Variants in ARMH4 observed in about 807,000 individuals in gnomAD.
The protein encoded by ARMH4 is armadillo like helical domain containing 4.
Under a neutral mutation model 61.9 loss-of-function variants are expected in ARMH4, and 49 were observed. The ratio of observed to expected loss-of-function variants is 0.79; its 90% CI spans 0.63 to 1.00. ARMH4 has a LOEUF of 1.00. Among genes scored for constraint, ARMH4 ranks in the 50% least tolerant of loss-of-function variants. The pLI is 0.00. For missense variants in ARMH4, 934 were observed against 930.0 expected (o/e 1.00, Z -0.06); for synonymous variants, 368 against 341.5 (o/e 1.08, Z -0.85).
chr14:58,099,724 G>C (rs1566579488), intron 4 of ARMH4, among the ~76,000 whole-genome samples: 1 of 152,218 alleles, frequency 6.6e-6, no homozygotes, highest in African/African-American at 2.4e-5. Flanking sequence ...TAAGTTAATG[G>C]GTCAGATCTC....
intron 5 of ARMH4, among the ~76,000 whole-genome samples, chr14:58,053,911 A>G (rs1284051157): frequency 6.6e-6 from 1 of 152,204 alleles, no homozygotes; most frequent in Non-Finnish European, 1.5e-5. Flanking sequence ...TATACCATAC[A>G]GTGCTTATAA....
chr14:58,128,665 C>T (rs1400626076), intron 4 of ARMH4, among the ~76,000 whole-genome samples: 1 of 152,156 alleles, frequency 6.6e-6, no homozygotes, highest in African/African-American at 2.4e-5. Context: ...TCTTCAGTGA[C>T]TAAGAAAAGG....
At chr14:58,123,833 G>A (rs1441977426) in intron 4 of ARMH4, among the ~76,000 whole-genome samples, 1 of 152,138 alleles carries the variant, frequency 6.6e-6, no homozygotes, top group African/African-American at 2.4e-5. Context: ...TTGTCCTTCG[G>A]TACATGGATG....
chr14:58,105,969 C>T (rs1160599689), intron 4 of ARMH4, among the ~76,000 whole-genome samples: 1 of 152,130 alleles, frequency 6.6e-6, no homozygotes, highest in Non-Finnish European at 1.5e-5. Flanking sequence ...ATCACAACCC[C>T]AAACACTAAC....
At chr14:58,126,455 A>C (rs1056320643) in intron 4 of ARMH4, among the ~76,000 whole-genome samples, 1 of 152,220 alleles carries the variant, frequency 6.6e-6, no homozygotes, top group Non-Finnish European at 1.5e-5. Flanking sequence ...CTGCAAATAA[A>C]TACTGGAATT....
chr14:58,058,678 C>T (rs950297402), intron 5 of ARMH4, among the ~76,000 whole-genome samples: 1 of 152,160 alleles, frequency 6.6e-6, no homozygotes, highest in African/African-American at 2.4e-5. Context: ...AATCAGAGGT[C>T]ACGTTCGTGG....
chr14:58,054,398 C>G (rs991083419), intron 5 of ARMH4, among the ~76,000 whole-genome samples: 1 of 152,280 alleles, frequency 6.6e-6, no homozygotes, highest in Middle Eastern at 3.4e-3. Flanking sequence ...ACTGAATAGG[C>G]AGTGAAGATT....
chr14:58,065,991 G>C (rs910878), intron 5 of ARMH4, among the ~76,000 whole-genome samples: 46,241 of 152,102 alleles, frequency 0.3, 7,551 homozygotes, highest in Non-Finnish European at 0.36. Context: ...CCTCTTCAGT[G>C]AATCTTAGGA....
intron 5 of ARMH4, among the ~76,000 whole-genome samples, chr14:58,016,676 T>C (rs764222540): frequency 6.6e-6 from 1 of 152,212 alleles, no homozygotes; most frequent in Non-Finnish European, 1.5e-5. Flanking sequence ...TCCAGTTGGC[T>C]CACAGCTCAG....
intron 5 of ARMH4, among the ~76,000 whole-genome samples, chr14:58,024,482 ATCT>A (rs1439243790): frequency 6.6e-6 from 1 of 152,116 alleles, no homozygotes; most frequent in East Asian, 1.9e-4. Context: ...GGCTGATTTG[ATCT>A]TCTACACAGG....
chr14:58,099,158 AG>A, intron 4 of ARMH4, among the ~76,000 whole-genome samples: 1 of 152,242 alleles, frequency 6.6e-6, no homozygotes, highest in Non-Finnish European at 1.5e-5. Flanking sequence ...ATGGCATCCA[AG>A]GGAATGTTGG....
At chr14:58,085,349 G>A (rs78555095) in intron 5 of ARMH4, among the ~76,000 whole-genome samples, 5,693 of 150,652 alleles carry the variant, frequency 0.038, 153 homozygotes, top group Middle Eastern at 0.12. Flanking sequence ...AGTTTTCCTA[G>A]TGTTTCTTCT....
Position 58,133,440 on chromosome 14 carries a change from T to C in ARMH4, c.1370-99A>G, listed in dbSNP as rs1887196206. ...AAAAACTTGGGGGGAGGGGAGCAGA[T>C]GCTATTTCAGGAACTGGGGAAGCAA... On this transcript the variant is annotated intron_variant, in intron 2 of 7. Coordinates refer to ENST00000267485, the MANE Select transcript of ARMH4 (RefSeq NM_001001872.4). 28 of 1,183,858 alleles carry C rather than the reference T, an allele frequency of 2.4e-5. No homozygotes were observed. The South Asian group carries it at 4.2e-4, about 18-fold the overall frequency. 73.3% of individuals were successfully genotyped at this position (1,183,858 alleles called of 1,614,324 possible). A position where few individuals can be genotyped will look rare whatever the true frequency, so the allele number is the denominator to read the frequency against.
chr14:58,025,437 C>T (rs922174378), intron 5 of ARMH4, among the ~76,000 whole-genome samples: 5 of 152,028 alleles, frequency 3.3e-5, no homozygotes, highest in Admixed American at 2.6e-4. Flanking sequence ...GGTGGGAAAC[C>T]TGATTGTTAT....
intron 5 of ARMH4, 106 bp from the exon 6 acceptor site, chr14:58,012,256 A>T: frequency 3.2e-6 from 2 of 616,374 alleles, no homozygotes; most frequent in Non-Finnish European, 5.5e-6. Flanking sequence ...TAAATACAGT[A>T]AAAGGATTAA....
At chr14:58,012,008 G>T in intron 6 of ARMH4, 111 bp downstream of exon 6, 1 of 771,396 alleles carries the variant, frequency 1.3e-6, no homozygotes, top group South Asian at 1.8e-5. Context: ...TCTTTAGATA[G>T]ATTACCAGAA....
chr14:58,073,867 T>G (rs1274163400), intron 5 of ARMH4, among the ~76,000 whole-genome samples: 1 of 152,174 alleles, frequency 6.6e-6, no homozygotes, highest in African/African-American at 2.4e-5. Context: ...CACTAATAAC[T>G]CCCTGTTTAT....
At chr14:58,011,720 G>A (rs984631850) in intron 6 of ARMH4, among the ~76,000 whole-genome samples, 6 of 149,254 alleles carry the variant, frequency 4.0e-5, no homozygotes, top group South Asian at 4.2e-4. Context: ...TACCTACTAA[G>A]TGGCAGCACT....
intron 5 of ARMH4, among the ~76,000 whole-genome samples, chr14:58,081,790 G>A (rs1440602525): frequency 6.6e-6 from 1 of 151,774 alleles, no homozygotes; most frequent in Non-Finnish European, 1.5e-5. Context: ...ACAGGCGTGA[G>A]CCACCACGCC....
Sources: allele counts gnomAD v4.1 joint callset (sites outside exome capture counted in the v4.1 genomes callset), GRCh38; gene constraint gnomAD v4.1.1; transcripts MANE v1.5; gene names NCBI Gene and HGNC (gene_info 2026-07-23, HGNC 2026-07-21).